ROBO2: variants seen among roughly 807,000 people sequenced by gnomAD.
ROBO2 encodes roundabout guidance receptor 2.
In ROBO2, 53 loss-of-function variants were observed where a neutral mutation model predicts 160.8. The ratio of observed to expected loss-of-function variants is 0.33; its 90% CI spans 0.26 to 0.41. The LOEUF (loss-of-function observed/expected upper bound fraction) is 0.41. ROBO2 is among the 10% of genes least tolerant of loss of function. The pLI is 1.00. For missense variants in ROBO2, 1,577 were observed against 1,722.4 expected (o/e 0.92, Z 1.49); for synonymous variants, 664 against 611.7 (o/e 1.09, Z -1.26).
chr3:77,191,529 C>T (rs574296104), intron 2 of ROBO2, among the ~76,000 whole-genome samples: 1 of 152,278 alleles, frequency 6.6e-6, no homozygotes, highest in South Asian at 2.1e-4. Flanking sequence ...TTTACCATTT[C>T]GCCCTTGTAT....
intron 2 of ROBO2, among the ~76,000 whole-genome samples, chr3:77,426,200 A>G (rs1456130871): frequency 2.0e-5 from 3 of 152,140 alleles, no homozygotes; most frequent in Non-Finnish European, 4.4e-5. Context: ...AGCATATTCT[A>G]GAAATACTTG....
At chr3:75,944,808 G>T (rs1056627771) in intron 2 of ROBO2, among the ~76,000 whole-genome samples, 4 of 152,000 alleles carry the variant, frequency 2.6e-5, no homozygotes, top group South Asian at 2.1e-4. Context: ...TGATTATTTT[G>T]TACTTCTTTT....
chr3:77,018,670 T>C (rs560741732), intron 2 of ROBO2, among the ~76,000 whole-genome samples: 2 of 152,298 alleles, frequency 1.3e-5, no homozygotes, highest in East Asian at 3.9e-4. Context: ...TGTTTGACCT[T>C]TTATGATTTT....
At chr3:76,070,303 T>C (rs939501205) in intron 2 of ROBO2, among the ~76,000 whole-genome samples, 4 of 152,128 alleles carry the variant, frequency 2.6e-5, no homozygotes, top group African/African-American at 7.2e-5. Context: ...AGAAAGAGTA[T>C]GCGCACCTGG....
At chr3:76,217,799 C>T (rs1703661718) in intron 2 of ROBO2, among the ~76,000 whole-genome samples, 1 of 152,198 alleles carries the variant, frequency 6.6e-6, no homozygotes, top group African/African-American at 2.4e-5. Context: ...GGAATCCTCC[C>T]TACCTCATTT....
intron 2 of ROBO2, among the ~76,000 whole-genome samples, chr3:77,322,155 C>T (rs1056918713): frequency 2.0e-5 from 3 of 152,110 alleles, no homozygotes; most frequent in African/African-American, 4.8e-5. Context: ...CCACACGTGA[C>T]TATGAATAAT....
chr3:76,553,223 A>G (rs1314075753), intron 2 of ROBO2, among the ~76,000 whole-genome samples: 5 of 152,182 alleles, frequency 3.3e-5, no homozygotes, highest in Non-Finnish European at 7.4e-5. Context: ...GAAAGGGGTC[A>G]AAACTGCATT....
At chr3:77,270,949 A>ATTT (rs2059449806) in intron 2 of ROBO2, among the ~76,000 whole-genome samples, 2 of 151,986 alleles carry the variant, frequency 1.3e-5, no homozygotes, top group African/African-American at 4.8e-5. Context: ...TCTTTTTAAA[A>ATTT]AAAAAAAAAA....
intron 2 of ROBO2, among the ~76,000 whole-genome samples, chr3:76,853,192 C>T (rs1227804498): frequency 6.6e-6 from 1 of 151,924 alleles, no homozygotes; most frequent in Non-Finnish European, 1.5e-5. Context: ...CTTATTTCCC[C>T]ATAGCTAATG....
intron 2 of ROBO2, among the ~76,000 whole-genome samples, chr3:77,104,881 A>G (rs915846124): frequency 6.6e-6 from 1 of 152,204 alleles, no homozygotes; most frequent in African/African-American, 2.4e-5. Context: ...GGATGGCCAC[A>G]AAGTTCCTAA....
intron 2 of ROBO2, among the ~76,000 whole-genome samples, chr3:76,124,300 G>C (rs2070877177): frequency 6.6e-6 from 1 of 151,998 alleles, no homozygotes; most frequent in Admixed American, 6.6e-5. Context: ...TCTAGCTAGA[G>C]TGTTATTTAC....
At chr3:76,914,876 C>A (rs1185812811) in intron 2 of ROBO2, among the ~76,000 whole-genome samples, 1 of 152,056 alleles carries the variant, frequency 6.6e-6, no homozygotes, top group Non-Finnish European at 1.5e-5. Context: ...TCTAAGAAGT[C>A]AAGAACAGCA....
intron 2 of ROBO2, among the ~76,000 whole-genome samples, chr3:77,204,019 GC>G (rs2083174225): frequency 6.6e-6 from 1 of 152,144 alleles, no homozygotes; most frequent in East Asian, 1.9e-4. Flanking sequence ...ATTTGGCCTG[GC>G]CTTAACCTCA....
At chr3:76,335,589 T>C (rs2073827315) in intron 2 of ROBO2, among the ~76,000 whole-genome samples, 1 of 151,818 alleles carries the variant, frequency 6.6e-6, no homozygotes, top group Non-Finnish European at 1.5e-5. Context: ...TAACTTTTTT[T>C]TTTTTTGAGA....
At position 76,652,470 on chromosome 3, in the gene ROBO2, ACAT is replaced by A. The variant is rs557363393; in HGVS notation, c.110-445543_110-445541del. Among the ~76,000 whole-genome samples the A allele has an allele frequency of 2.2e-4, 33 of 152,284 alleles. No homozygotes were observed. In the South Asian group the frequency reaches 6.6e-3, roughly 31 times the overall value. On this transcript the variant is annotated intron_variant, in intron 2 of 26. Transcript: ENST00000487694. Reference sequence around the variant, plus strand: ...ATTTGAATCCAGCTCTCTGGACACCACATTCTGTCCTCTTTACCTTTGTGCTAT... The same window carrying A: ...ATTTGAATCCAGCTCTCTGGACACCATCTGTCCTCTTTACCTTTGTGCTAT...
chr3:77,061,712 T>C (rs957092939), intron 1 of ROBO2, among the ~76,000 whole-genome samples: 4 of 152,198 alleles, frequency 2.6e-5, no homozygotes, highest in Admixed American at 2.6e-4. Context: ...CTCACAATGA[T>C]ACCATTCTGC....
intron 2 of ROBO2, among the ~76,000 whole-genome samples, chr3:76,121,933 G>A (rs1027068195): frequency 6.6e-6 from 1 of 152,070 alleles, no homozygotes; most frequent in Non-Finnish European, 1.5e-5. Flanking sequence ...TCTATGTAAC[G>A]TGAAGATATT....
intron 2 of ROBO2, among the ~76,000 whole-genome samples, chr3:76,669,653 A>C (rs1041545702): frequency 2.3e-4 from 35 of 152,112 alleles, no homozygotes; most frequent in African/African-American, 8.5e-4. Context: ...AAATGGATGG[A>C]CCTCCATCAA....
At chr3:76,193,573 T>C (rs531547706) in intron 2 of ROBO2, among the ~76,000 whole-genome samples, 277 of 152,328 alleles carry the variant, frequency 1.8e-3, no homozygotes, top group African/African-American at 6.2e-3. Flanking sequence ...CTTCCTCCAA[T>C]TGATTATCTA....
Sources: gnomAD v4.1 joint callset for allele counts (sites outside exome capture counted in the v4.1 genomes callset) on GRCh38, gnomAD v4.1.1 for gene constraint, MANE v1.5 for transcripts, NCBI Gene and HGNC (gene_info 2026-07-23, HGNC 2026-07-21) for gene names.